The following RIMS2 variants were observed in gnomAD, a reference collection of about 807,000 sequenced individuals.
The protein encoded by RIMS2 is regulating synaptic membrane exocytosis protein 2.
A neutral mutation model predicts 174.4 loss-of-function variants in RIMS2; 59 were observed. The ratio of observed to expected loss-of-function variants is 0.34; its 90% CI spans 0.27 to 0.42. The LOEUF is 0.42. Ranked by LOEUF, RIMS2 falls within the 10% of genes least tolerant of loss-of-function variation. The probability of loss-of-function intolerance (pLI) is 1.00; values close to 1 mark genes in which losing one functional copy is unlikely to be tolerated. For missense variants in RIMS2, 1,620 were observed against 1,666.3 expected (o/e 0.97, Z 0.48); for synonymous variants, 606 against 572.5 (o/e 1.06, Z -0.84).
intron 19 of RIMS2, among the ~76,000 whole-genome samples, chr8:104,048,377 T>A (rs1484771736): frequency 6.6e-6 from 1 of 152,138 alleles, no homozygotes; most frequent in Admixed American, 6.5e-5. Context: ...AAATGAGATA[T>A]CATGCCCACC....
chr8:103,550,787 C>T (rs1434173101), intron 1 of RIMS2, among the ~76,000 whole-genome samples: 1 of 152,142 alleles, frequency 6.6e-6, no homozygotes, highest in Non-Finnish European at 1.5e-5. Context: ...TACCACTGAT[C>T]CCACAGAAAT....
At chr8:104,085,478 G>A (rs2097522229) in intron 19 of RIMS2, among the ~76,000 whole-genome samples, 1 of 152,162 alleles carries the variant, frequency 6.6e-6, no homozygotes, top group Non-Finnish European at 1.5e-5. Flanking sequence ...ATACAAGGTA[G>A]AAAATGAAGT....
chr8:103,777,291 C>T (rs28716856), intron 3 of RIMS2, among the ~76,000 whole-genome samples: 1,770 of 151,938 alleles, frequency 0.012, 32 homozygotes, highest in African/African-American at 0.039. Context: ...GAAGAGAGAC[C>T]TTACAAACAG....
intron 19 of RIMS2, among the ~76,000 whole-genome samples, chr8:104,040,076 A>G (rs922178694): frequency 6.6e-6 from 1 of 151,638 alleles, no homozygotes; most frequent in African/African-American, 2.4e-5. Flanking sequence ...GCACTAATGG[A>G]CTTAATCTAA....
intron 12 of RIMS2, among the ~76,000 whole-genome samples, chr8:103,931,830 T>C (rs1309427995): frequency 1.3e-5 from 2 of 152,108 alleles, no homozygotes; most frequent in African/African-American, 4.8e-5. Context: ...ATATTATTTC[T>C]CTCTATTCTA....
intron 19 of RIMS2, among the ~76,000 whole-genome samples, chr8:104,094,902 AAC>A (rs1245688888): frequency 6.6e-6 from 1 of 152,104 alleles, no homozygotes; most frequent in Non-Finnish European, 1.5e-5. Flanking sequence ...TGATTTATTA[AAC>A]AGTCTTGAAT....
At chr8:103,814,925 A>T (rs1313275515) in intron 3 of RIMS2, among the ~76,000 whole-genome samples, 1 of 152,154 alleles carries the variant, frequency 6.6e-6, no homozygotes, top group East Asian at 1.9e-4. Context: ...GAAAACTAAT[A>T]ATCTACTATT....
intron 2 of RIMS2, among the ~76,000 whole-genome samples, chr8:103,745,923 T>C (rs2097805837): frequency 6.6e-6 from 1 of 152,230 alleles, no homozygotes; most frequent in Non-Finnish European, 1.5e-5. Flanking sequence ...TTCTTGAAAA[T>C]GTCCTTTGAT....
chr8:103,992,274 A>ATTTTTTTTTTTTTTTTTTTTTTT (rs1186537194), intron 17 of RIMS2, among the ~76,000 whole-genome samples: 3 of 107,106 alleles, frequency 2.8e-5, no homozygotes, highest in Non-Finnish European at 5.3e-5. Context: ...ATGTCCAGCT[A>ATTTTTTTTTTTTTTTTTTTTTTT]TTTTTTTTTT....
At chr8:103,796,455 A>G (rs374596456) in intron 3 of RIMS2, among the ~76,000 whole-genome samples, 17 of 152,204 alleles carry the variant, frequency 1.1e-4, no homozygotes, top group African/African-American at 3.9e-4. Flanking sequence ...AGTGGAACAT[A>G]GGTTTTTCTA....
chr8:103,636,013 G>A (rs190457569), intron 1 of RIMS2, among the ~76,000 whole-genome samples: 4 of 152,286 alleles, frequency 2.6e-5, no homozygotes, highest in Admixed American at 6.5e-5. Context: ...TTTTGGTAGG[G>A]CAGCTGTGCT....
At chr8:103,632,976 G>A (rs548142430) in intron 1 of RIMS2, among the ~76,000 whole-genome samples, 9 of 150,452 alleles carry the variant, frequency 6.0e-5, no homozygotes, top group South Asian at 4.2e-4. Flanking sequence ...CCTGTGATCC[G>A]CCCACCTTGG....
At chr8:103,628,730 C>A (rs1216532097) in intron 1 of RIMS2, among the ~76,000 whole-genome samples, 1 of 141,222 alleles carries the variant, frequency 7.1e-6, no homozygotes. Flanking sequence ...AACCCACAAC[C>A]GAGAAACATC....
intron 1 of RIMS2, among the ~76,000 whole-genome samples, chr8:103,588,608 A>G (rs1357823231): frequency 6.6e-6 from 1 of 152,022 alleles, no homozygotes; most frequent in African/African-American, 2.4e-5. Context: ...AAATCCATAC[A>G]TCTACAGTGA....
At chr8:103,618,584 C>T (rs1416099780) in intron 1 of RIMS2, among the ~76,000 whole-genome samples, 2 of 152,100 alleles carry the variant, frequency 1.3e-5, no homozygotes, top group African/African-American at 4.8e-5. Context: ...ATTTTCAAGG[C>T]TGTAATAACT....
chr8:103,951,656 A>G (rs1424272757), intron 14 of RIMS2, among the ~76,000 whole-genome samples: 1 of 152,160 alleles, frequency 6.6e-6, no homozygotes, highest in African/African-American at 2.4e-5. Context: ...CTGGGTTTCC[A>G]GCACAAAACT....
chr8:103,746,913 C>T (rs915182469), intron 2 of RIMS2, among the ~76,000 whole-genome samples: 16 of 152,002 alleles, frequency 1.1e-4, no homozygotes, highest in Non-Finnish European at 1.9e-4. Flanking sequence ...ATGTCCTGAC[C>T]TTGTGATCTG....
At chr8:103,823,151 G>T (rs186470584) in intron 3 of RIMS2, among the ~76,000 whole-genome samples, 1 of 151,948 alleles carries the variant, frequency 6.6e-6, no homozygotes, top group African/African-American at 2.4e-5. Context: ...GCCACTGAAT[G>T]TGTGACAGTG....
chr8:104,246,351 G>T (rs567527800), intron 20 of RIMS2, among the ~76,000 whole-genome samples: 216 of 150,872 alleles, frequency 1.4e-3, no homozygotes, highest in Non-Finnish European at 2.7e-3. Context: ...TATTTTTTTT[G>T]TTTGTTTTCT....
Sources: gnomAD v4.1 joint callset for allele counts (sites outside exome capture counted in the v4.1 genomes callset) on GRCh38, gnomAD v4.1.1 for gene constraint, MANE v1.5 for transcripts, NCBI Gene and HGNC (gene_info 2026-07-23, HGNC 2026-07-21) for gene names.